The following SPECC1L variants were observed in gnomAD, a reference collection of about 807,000 sequenced individuals.
The protein encoded by SPECC1L is sperm antigen with calponin homology and coiled-coil domains 1 like.
Under a neutral mutation model 116.8 loss-of-function variants are expected in SPECC1L, and 40 were observed. The observed-to-expected ratio is 0.34, with a 90% confidence interval of 0.27 to 0.45. The LOEUF is 0.45. Among genes scored for constraint, SPECC1L ranks in the 20% least tolerant of loss-of-function variants. The pLI, the probability that SPECC1L is intolerant of heterozygous loss-of-function variation, is 1.00. For missense variants in SPECC1L, 1,110 were observed against 1,373.6 expected, an observed-to-expected ratio of 0.81 and a Z score of 3.03; for synonymous variants, 504 against 500.6, an observed-to-expected ratio of 1.01 and a Z score of -0.09.
intron 8 of SPECC1L, 99 bp downstream of exon 8, chr22:24,330,530 A>G (rs1234094206): frequency 2.3e-6 from 3 of 1,333,156 alleles, no homozygotes; most frequent in African/African-American, 1.5e-5. Context: ...GGAGTTTGAT[A>G]CTTACTGAGT....
Position 24,396,797 on chromosome 22 carries a change from CA to C in SPECC1L, c.3088-14790del, listed in dbSNP as rs1170291962. Among the ~76,000 whole-genome samples, 14 of 152,282 alleles carry C rather than the reference CA, an allele frequency of 9.2e-5. No homozygotes were observed. In the East Asian group the frequency reaches 2.3e-3, roughly 25 times the overall value. On this transcript the variant is annotated intron_variant, in intron 14 of 16. Coordinates refer to ENST00000314328, the MANE Select transcript of SPECC1L (RefSeq NM_015330.6). ...TTGTGTCCCTCCATAGGGTCCTCAA[CA>C]CTCTTTATCTGGCTGTACCCTACCC...
At chr22:24,355,281 CAAAAAAAAAAAAA>C (rs751981921) in intron 11 of SPECC1L, among the ~76,000 whole-genome samples, 6 of 56,026 alleles carry the variant, frequency 1.1e-4, no homozygotes, top group Non-Finnish European at 1.4e-4. Flanking sequence ...GACTCCATCT[CAAAAAAAAAAAAA>C]AAAAAAAAAG....
chr22:24,296,762 A>G (rs1186666042), intron 2 of SPECC1L, among the ~76,000 whole-genome samples: 3 of 151,648 alleles, frequency 2.0e-5, no homozygotes, highest in Non-Finnish European at 2.9e-5. Flanking sequence ...GGTGAATTCT[A>G]ATTTGTTTTT....
chr22:24,401,636 T>A (rs1347803598), intron 14 of SPECC1L, among the ~76,000 whole-genome samples: 2 of 152,148 alleles, frequency 1.3e-5, no homozygotes, highest in African/African-American at 4.8e-5. Flanking sequence ...GGTTCACGAG[T>A]GGTTTCCAAG....
intron 14 of SPECC1L, among the ~76,000 whole-genome samples, chr22:24,371,641 A>T (rs756861620): frequency 3.9e-5 from 6 of 152,210 alleles, no homozygotes; most frequent in Non-Finnish European, 7.3e-5. Flanking sequence ...TGCTCTGAGA[A>T]CAAAAATGAA....
chr22:24,297,301 T>G (rs1273548872), intron 2 of SPECC1L, among the ~76,000 whole-genome samples: 1 of 151,822 alleles, frequency 6.6e-6, no homozygotes, highest in Non-Finnish European at 1.5e-5. Flanking sequence ...ATAACTGAAT[T>G]CCATTTTACA....
intron 14 of SPECC1L, among the ~76,000 whole-genome samples, chr22:24,402,969 A>T (rs1388527301): frequency 6.6e-6 from 1 of 152,216 alleles, no homozygotes; most frequent in Non-Finnish European, 1.5e-5. Flanking sequence ...AGGCAGGGTC[A>T]CATCTACAGT....
rs187324735 is a variant in SPECC1L, at chr22:24,324,251, A to C, written c.1970A>C (p.Glu657Ala). 26 of 1,614,064 alleles carry C rather than the reference A, an allele frequency of 1.6e-5. No individual in the cohort carries two copies. The East Asian group carries it at 2.0e-4, about 12-fold the overall frequency. The stretch of plus-strand genomic sequence containing the variant: ...GATGAATACCGAGCCTTCCAAGAAG[A>C]AGCTAAGAAACAAATTGAAGATTTG... ...VEDEYRAFQE[E>A]AKKQIEDLNM... Residue 657 changes from glutamate to alanine, a missense_variant, in exon 6 of 17, where the codon GAA becomes GCA. Glu to Ala is a moderately radical substitution (Grantham distance 107). Around this residue, in one of 4 missense-constraint regions of SPECC1L, gnomAD observed 575 missense variants for 682.4 expected, o/e 0.84. Coordinates refer to ENST00000314328, the MANE Select transcript of SPECC1L (RefSeq NM_015330.6).
chr22:24,385,682 C>T (rs894672260), intron 14 of SPECC1L, among the ~76,000 whole-genome samples: 1 of 152,176 alleles, frequency 6.6e-6, no homozygotes, highest in East Asian at 1.9e-4. Flanking sequence ...CTTCATGCTG[C>T]CCAGTAAGAC....
chr22:24,337,450 T>G, intron 9 of SPECC1L, among the ~76,000 whole-genome samples: 1 of 152,218 alleles, frequency 6.6e-6, no homozygotes, highest in African/African-American at 2.4e-5. Context: ...AAGTGACTAT[T>G]GGGATACTAG....
At chr22:24,367,965 G>A (rs780004448) in intron 13 of SPECC1L, among the ~76,000 whole-genome samples, 5 of 152,130 alleles carry the variant, frequency 3.3e-5, no homozygotes, top group Non-Finnish European at 7.4e-5. Flanking sequence ...CCCTTTCTCT[G>A]GGTATTCCTT....
intron 6 of SPECC1L, among the ~76,000 whole-genome samples, chr22:24,328,546 T>C (rs1489103168): frequency 1.3e-5 from 2 of 152,204 alleles, no homozygotes; most frequent in Non-Finnish European, 2.9e-5. Context: ...ATTGTTTTGA[T>C]TGGTTATGTA....
intron 6 of SPECC1L, among the ~76,000 whole-genome samples, chr22:24,327,064 G>T (rs367721503): frequency 2.0e-5 from 3 of 151,972 alleles, no homozygotes; most frequent in East Asian, 3.9e-4. Flanking sequence ...TGGATCATGA[G>T]GTCAGGAGTT....
At chr22:24,337,409 A>G (rs1224136042) in intron 9 of SPECC1L, among the ~76,000 whole-genome samples, 1 of 152,192 alleles carries the variant, frequency 6.6e-6, no homozygotes, top group Non-Finnish European at 1.5e-5. Flanking sequence ...CAGAAAGCAG[A>G]TTGCCATACG....
chr22:24,279,512 G>A (rs1006460278), intron 2 of SPECC1L, among the ~76,000 whole-genome samples: 1 of 151,948 alleles, frequency 6.6e-6, no homozygotes, highest in Non-Finnish European at 1.5e-5. Context: ...ACAGGCATGA[G>A]CCACTGCACC....
rs550212133 is a variant in SPECC1L, at chr22:24,382,426, C to T, written c.3087+13106C>T. Among the ~76,000 whole-genome samples the T allele has an allele frequency of 8.5e-5, 13 of 152,114 alleles. No homozygotes were observed. The South Asian group carries it at 1.9e-3, about 22-fold the overall frequency. ...AAGACAACCTCAAGAGTAATGAGGC[C>T]GGGCGCGGTGGCTCCCGCCTGTAAT... On this transcript the variant is annotated intron_variant, in intron 14 of 16. Transcript: ENST00000314328.
chr22:24,318,637 C>T (rs1384922955), intron 4 of SPECC1L, among the ~76,000 whole-genome samples: 1 of 152,056 alleles, frequency 6.6e-6, no homozygotes, highest in East Asian at 1.9e-4. Flanking sequence ...AAAGTTACCC[C>T]AGCCAGGTGC....
At chr22:24,313,703 C>T (rs1292557967) in intron 4 of SPECC1L, among the ~76,000 whole-genome samples, 2 of 151,346 alleles carry the variant, frequency 1.3e-5, no homozygotes, top group African/African-American at 4.9e-5. Context: ...CATATCATTT[C>T]ATCCATAAAT....
At chr22:24,334,614 G>T in intron 9 of SPECC1L, 41 bp downstream of exon 9, 1 of 1,606,186 alleles carries the variant, frequency 6.2e-7, no homozygotes, top group Non-Finnish European at 8.5e-7. Flanking sequence ...GCATGCGGTT[G>T]TGTTCACTTA....
Sources: allele counts gnomAD v4.1 joint callset (sites outside exome capture counted in the v4.1 genomes callset), GRCh38; gene constraint gnomAD v4.1.1; regional missense constraint gnomAD v4.1.1; transcripts MANE v1.5; gene names NCBI Gene and HGNC (gene_info 2026-07-23, HGNC 2026-07-21).